Variants in EPRS1 observed in about 807,000 individuals in gnomAD.
EPRS1 encodes the protein bifunctional glutamate/proline--tRNA ligase.
Under a neutral mutation model 188.3 loss-of-function variants are expected in EPRS1, and 107 were observed. The observed-to-expected ratio is 0.57, with a 90% CI of 0.49 to 0.67. The LOEUF (loss-of-function observed/expected upper bound fraction) is 0.67. EPRS1 is among the 30% of genes least tolerant of loss of function. The pLI, the probability that EPRS1 is intolerant of heterozygous loss-of-function variation, is 0.00. For missense variants in EPRS1, 1,577 were observed against 1,802.2 expected, an observed-to-expected ratio of 0.88 and a Z score of 2.26; for synonymous variants, 596 against 593.1, an observed-to-expected ratio of 1.00 and a Z score of -0.07.
chr1:220,002,826 G>A (rs1018780480), intron 16 of EPRS1, among the ~76,000 whole-genome samples: 1 of 152,118 alleles, frequency 6.6e-6, no homozygotes, highest in African/African-American at 2.4e-5. Flanking sequence ...GTGAGAGTGA[G>A]ACCCTGTCTC....
At chr1:220,027,091 AC>A (rs1360350087) in intron 6 of EPRS1, among the ~76,000 whole-genome samples, 6 of 151,120 alleles carry the variant, frequency 4.0e-5, no homozygotes, top group Non-Finnish European at 5.9e-5. Flanking sequence ...GGAGTTCAAC[AC>A]CAGCCTGGCC....
chr1:219,992,483 T>C (rs1038170195), intron 18 of EPRS1, among the ~76,000 whole-genome samples: 2 of 152,228 alleles, frequency 1.3e-5, no homozygotes, highest in African/African-American at 2.4e-5. Context: ...CTTTCTTCCA[T>C]GGAGGGATCA....
At chr1:220,027,609 A>AAAAAAAG (rs35539406) in intron 6 of EPRS1, among the ~76,000 whole-genome samples, 1 of 149,264 alleles carries the variant, frequency 6.7e-6, no homozygotes, top group Non-Finnish European at 1.5e-5. Flanking sequence ...AAAAAAAAAA[A>AAAAAAAG]GGAGGGTTTA....
At chr1:220,007,513 T>C (rs1192000123) in intron 13 of EPRS1, 175 bp from the exon 14 acceptor site, 4 of 561,416 alleles carry the variant, frequency 7.1e-6, no homozygotes, top group Admixed American at 7.1e-5. Context: ...TCCATCTATG[T>C]ATTTTAACAT....
chr1:219,981,627 T>G (rs1660901949), intron 23 of EPRS1, among the ~76,000 whole-genome samples, 170 bp from the exon 24 acceptor site: 1 of 152,238 alleles, frequency 6.6e-6, no homozygotes, highest in African/African-American at 2.4e-5. Flanking sequence ...AATAAGTGAA[T>G]AGTATTATCT....
At chr1:219,975,840 C>A (rs201804378) in intron 28 of EPRS1, among the ~76,000 whole-genome samples, 69,955 of 151,820 alleles carry the variant, frequency 0.46, 16,215 homozygotes, top group South Asian at 0.52. Flanking sequence ...GTACACATAT[C>A]TGTATGTGTG....
Position 220,007,238 on chromosome 1 carries a change from A to T in EPRS1, c.1706T>A (p.Ile569Lys), listed in dbSNP as rs2102581118. 2.5e-6 allele frequency: 4 copies of T among 1,613,870 alleles called. No homozygotes were observed. The East Asian group carries it at 8.9e-5, about 36-fold the overall frequency. ...TGTAATGTTGAGGTTGCCCCAATTT[A>T]TAAATGTAACCATCTCACCCTCCGA... is the stretch of plus-strand genomic sequence containing the variant. The part of the protein sequence containing the change: ...TFSEGEMVTF[I>K]NWGNLNITKI... Residue 569 changes from isoleucine to lysine, a missense_variant, in exon 14 of 32, where the codon ATA becomes AAA. By Grantham distance (102) the Ile-to-Lys change is moderately radical (BLOSUM62 -3). Coordinates refer to ENST00000366923, the MANE Select transcript of EPRS1 (RefSeq NM_004446.3).
rs765955145 is a variant in EPRS1, at chr1:220,033,598, T to C, written c.292A>G (p.Thr98Ala). 5.6e-6 allele frequency: 9 copies of C among 1,609,092 alleles called. No homozygotes were observed. The East Asian group carries it at 1.8e-4, about 32-fold the overall frequency. ...KLSSCDSFTSTINELNHCLSL... is the reference protein window; with the variant it reads ...KLSSCDSFTSAINELNHCLSL... ...AGGCAATGATTGAGTTCATTAATTG[T>C]AGAAGTAAAGGAATCACATGAAGAT... The change falls in exon 4 of 32, where the codon ACA (threonine) becomes GCA (alanine). Residue 98 changes from threonine (T) to alanine (A), a missense_variant. Physicochemically the swap from Thr to Ala is moderately conservative, Grantham distance 58 (BLOSUM62 0). Around this residue, in one of 3 missense-constraint regions of EPRS1, gnomAD observed 1,278 missense variants for 1,457.4 expected, o/e 0.88. Coordinates refer to ENST00000366923, the MANE Select transcript of EPRS1 (RefSeq NM_004446.3).
At chr1:219,970,022 A>G (rs1660634677) in intron 30 of EPRS1, among the ~76,000 whole-genome samples, 1 of 152,118 alleles carries the variant, frequency 6.6e-6, no homozygotes, top group Non-Finnish European at 1.5e-5. Context: ...GGGTTTCGCC[A>G]TGTTGGCCAG....
intron 27 of EPRS1, 94 bp from the exon 28 acceptor site, chr1:219,978,813 T>C (rs1660829524): frequency 3.5e-6 from 3 of 854,894 alleles, no homozygotes; most frequent in Non-Finnish European, 3.6e-6. Flanking sequence ...GCTATATTAT[T>C]AACACGAATC....
chr1:220,008,571 G>A (rs1005918137), intron 13 of EPRS1, among the ~76,000 whole-genome samples: 3 of 152,254 alleles, frequency 2.0e-5, no homozygotes, highest in East Asian at 1.9e-4. Flanking sequence ...AATACTTTGC[G>A]ACGGAAATGT....
At chr1:220,045,669 A>G (rs190032749) in intron 1 of EPRS1, among the ~76,000 whole-genome samples, 8 of 152,346 alleles carry the variant, frequency 5.3e-5, no homozygotes, top group Admixed American at 5.2e-4. Flanking sequence ...GACAGATCCA[A>G]TGTTTACTCT....
intron 1 of EPRS1, 83 bp downstream of exon 1, chr1:220,046,260 A>C (rs1356501293): frequency 1.3e-6 from 2 of 1,557,262 alleles, no homozygotes. Context: ...CCACTGCGCA[A>C]AGCCGGGGCG....
At chr1:219,995,960 C>A (rs1286251457) in intron 18 of EPRS1, among the ~76,000 whole-genome samples, 1 of 152,178 alleles carries the variant, frequency 6.6e-6, no homozygotes, top group Non-Finnish European at 1.5e-5. Context: ...GTGTACCATA[C>A]CTCTCTGTGT....
chr1:220,022,580 T>A, intron 8 of EPRS1, 62 bp from the exon 9 acceptor site: 1 of 1,263,472 alleles, frequency 7.9e-7, no homozygotes, highest in South Asian at 1.5e-5. Flanking sequence ...ATTCTCATAG[T>A]GCTATAATTT....
chr1:220,025,352 G>A, intron 6 of EPRS1, 94 bp from the exon 7 acceptor site: 1 of 884,384 alleles, frequency 1.1e-6, no homozygotes, highest in South Asian at 2.5e-5. Context: ...CTAAACAAAA[G>A]TCCTTCTAAT....
intron 17 of EPRS1, among the ~76,000 whole-genome samples, chr1:219,998,950 G>C (rs1203989067): frequency 3.3e-5 from 5 of 149,488 alleles, no homozygotes; most frequent in Non-Finnish European, 7.4e-5. Flanking sequence ...ACACTGCCTT[G>C]TGTGTGATTT....
At chr1:220,006,063 A>C in intron 15 of EPRS1, 43 bp downstream of exon 15, 2 of 1,163,036 alleles carry the variant, frequency 1.7e-6, no homozygotes, top group Non-Finnish European at 2.4e-6. Context: ...TTAATTCTAA[A>C]GGAAAATTTA....
chr1:220,005,219 C>G, intron 16 of EPRS1, 29 bp downstream of exon 16: 1 of 1,028,358 alleles, frequency 9.7e-7, no homozygotes, highest in South Asian at 1.7e-5. Context: ...TAAGCATTTT[C>G]ATTTAGACGT....
Sources: allele counts gnomAD v4.1 joint callset (sites outside exome capture counted in the v4.1 genomes callset), GRCh38; gene constraint gnomAD v4.1.1; regional missense constraint gnomAD v4.1.1; transcripts MANE v1.5; gene names NCBI Gene and HGNC (gene_info 2026-07-23, HGNC 2026-07-21).